Variants in RSU1 observed in about 807,000 individuals in gnomAD.
The protein encoded by RSU1 is Ras suppressor protein 1, also known as rsu-1.
Under a neutral mutation model 31.1 loss-of-function variants are expected in RSU1, and 26 were observed. That is an observed-to-expected ratio of 0.84 (90% CI 0.61 to 1.16). The LOEUF (loss-of-function observed/expected upper bound fraction) is 1.16. Ranked by LOEUF, RSU1 falls within the 50% of genes most tolerant of loss-of-function variation. The pLI, the probability that RSU1 is intolerant of heterozygous loss-of-function variation, is 0.00. For missense variants in RSU1, 320 were observed against 339.1 expected, an observed-to-expected ratio of 0.94 and a Z score of 0.44; for synonymous variants, 164 against 136.3, an observed-to-expected ratio of 1.20 and a Z score of -1.41.
chr10:16,732,454 A>G (rs1836534311), intron 7 of RSU1, among the ~76,000 whole-genome samples: 1 of 152,292 alleles, frequency 6.6e-6, no homozygotes, highest in South Asian at 2.1e-4. Flanking sequence ...AAGAAAAATG[A>G]TCTCTCTGCC....
chr10:16,625,368 A>G (rs1001768864), intron 8 of RSU1, among the ~76,000 whole-genome samples: 3 of 152,184 alleles, frequency 2.0e-5, no homozygotes, highest in African/African-American at 7.2e-5. Flanking sequence ...CTGCCTCACG[A>G]AAACAGTGGG....
intron 7 of RSU1, chr10:16,721,410 G>A (rs956351563): frequency 2.6e-5 from 4 of 152,224 alleles, no homozygotes; most frequent in Admixed American, 2.0e-4. Flanking sequence ...GCTTTACCTG[G>A]ACACACCAAG....
At chr10:16,714,488 C>T (rs866556241) in intron 7 of RSU1, among the ~76,000 whole-genome samples, 3 of 152,162 alleles carry the variant, frequency 2.0e-5, no homozygotes, top group Non-Finnish European at 4.4e-5. Context: ...GTTGGACCAG[C>T]TATGGATGCA....
chr10:16,780,297 G>A (rs531944093), intron 3 of RSU1, among the ~76,000 whole-genome samples: 8 of 152,280 alleles, frequency 5.3e-5, no homozygotes, highest in South Asian at 4.1e-4. Context: ...TACCTCTGTC[G>A]TCCAGGCTGC....
chr10:16,610,987 C>T (rs1833882996), intron 8 of RSU1, among the ~76,000 whole-genome samples: 1 of 152,136 alleles, frequency 6.6e-6, no homozygotes, highest in African/African-American at 2.4e-5. Context: ...CTCCTGAAGC[C>T]CGTAAATGCT....
At chr10:16,744,760 C>T (rs944518509) in intron 7 of RSU1, among the ~76,000 whole-genome samples, 4 of 152,158 alleles carry the variant, frequency 2.6e-5, no homozygotes, top group East Asian at 1.9e-4. Flanking sequence ...TGGAAAATTG[C>T]TTGTAATTAT....
At chr10:16,742,967 A>T (rs1836781646) in intron 7 of RSU1, among the ~76,000 whole-genome samples, 1 of 152,228 alleles carries the variant, frequency 6.6e-6, no homozygotes, top group Admixed American at 6.5e-5. Flanking sequence ...GGAACTTGTT[A>T]AAAAATATCA....
At chr10:16,602,016 C>G (rs985982195) in intron 8 of RSU1, among the ~76,000 whole-genome samples, 1 of 152,152 alleles carries the variant, frequency 6.6e-6, no homozygotes, top group African/African-American at 2.4e-5. Context: ...CTGAGATAAG[C>G]CTTTCCTGAC....
chr10:16,714,559 C>G (rs915129064), intron 7 of RSU1, among the ~76,000 whole-genome samples: 1 of 152,174 alleles, frequency 6.6e-6, no homozygotes. Flanking sequence ...AATTGGCTGA[C>G]TGTTCAGTGA....
At chr10:16,675,270 C>T (rs1005868673) in intron 8 of RSU1, among the ~76,000 whole-genome samples, 1 of 151,600 alleles carries the variant, frequency 6.6e-6, no homozygotes, top group African/African-American at 2.4e-5. Context: ...CATTAGTGCC[C>T]AAGAAAATCA....
intron 2 of RSU1, among the ~76,000 whole-genome samples, chr10:16,782,476 A>C (rs1197258370): frequency 6.6e-6 from 1 of 152,216 alleles, no homozygotes; most frequent in Non-Finnish European, 1.5e-5. Context: ...GTGCTAAAAA[A>C]TTTTAATTAT....
intron 2 of RSU1, among the ~76,000 whole-genome samples, chr10:16,790,622 AT>A: frequency 6.6e-6 from 1 of 152,304 alleles, no homozygotes; most frequent in African/African-American, 2.4e-5. Flanking sequence ...GGGAAGGCAT[AT>A]GATAGGGTCT....
intron 2 of RSU1, among the ~76,000 whole-genome samples, chr10:16,790,990 T>G (rs1837901392): frequency 6.6e-6 from 1 of 152,198 alleles, no homozygotes; most frequent in South Asian, 2.1e-4. Context: ...TATAGCAGTG[T>G]GAGAACATAC....
At chr10:16,620,150 A>G (rs921826002) in intron 8 of RSU1, among the ~76,000 whole-genome samples, 1 of 152,312 alleles carries the variant, frequency 6.6e-6, no homozygotes, top group East Asian at 1.9e-4. Context: ...TGAGCAGGTT[A>G]TTTAACCTAT....
chr10:16,755,921 A>G (rs1837075277), intron 4 of RSU1, among the ~76,000 whole-genome samples: 1 of 152,206 alleles, frequency 6.6e-6, no homozygotes, highest in Non-Finnish European at 1.5e-5. Flanking sequence ...CTTAGCTGTT[A>G]TTTTCCTCCA....
intron 2 of RSU1, among the ~76,000 whole-genome samples, chr10:16,809,177 C>A (rs773746528): frequency 2.0e-5 from 3 of 152,186 alleles, no homozygotes; most frequent in Non-Finnish European, 4.4e-5. Context: ...TTAAGCATCA[C>A]ACGCTGATGG....
At chr10:16,773,991 G>T (rs1341378650) in intron 3 of RSU1, among the ~76,000 whole-genome samples, 3 of 151,832 alleles carry the variant, frequency 2.0e-5, no homozygotes, top group Non-Finnish European at 2.9e-5. Context: ...ACAGCAAAAC[G>T]CAAGGTCAAT....
chr10:16,615,364 G>A (rs1190825771), intron 8 of RSU1, among the ~76,000 whole-genome samples: 2 of 152,082 alleles, frequency 1.3e-5, no homozygotes, highest in African/African-American at 4.8e-5. Context: ...CCCAATACAG[G>A]AGCACAGAGA....
At chr10:16,791,566 T>C (rs1588538313) in intron 2 of RSU1, among the ~76,000 whole-genome samples, 1 of 150,446 alleles carries the variant, frequency 6.6e-6, no homozygotes, top group South Asian at 2.1e-4. Flanking sequence ...GAGGCGGAGG[T>C]TGCAGTGACC....
Sources: gnomAD v4.1 joint callset for allele counts (sites outside exome capture counted in the v4.1 genomes callset) on GRCh38, gnomAD v4.1.1 for gene constraint, MANE v1.5 for transcripts, NCBI Gene and HGNC (gene_info 2026-07-23, HGNC 2026-07-21) for gene names.